TAOK3: variants seen among roughly 807,000 people sequenced by gnomAD.
TAOK3 encodes the protein TAO kinase 3.
In TAOK3, 40 loss-of-function variants were observed where a neutral mutation model predicts 120.4. The ratio of observed to expected loss-of-function variants is 0.33; its 90% CI spans 0.26 to 0.43. The LOEUF is 0.43. Ranked by LOEUF, TAOK3 falls within the 20% of genes least tolerant of loss-of-function variation. The probability of loss-of-function intolerance (pLI) is 1.00; values close to 1 mark genes in which losing one functional copy is unlikely to be tolerated. For synonymous variants in TAOK3, 355 were observed against 387.5 expected, an observed-to-expected ratio of 0.92 and a Z score of 0.99; for missense variants, 821 against 1,112.1, an observed-to-expected ratio of 0.74 and a Z score of 3.72.
chr12:118,326,469 G>A (rs558327631), intron 1 of TAOK3, among the ~76,000 whole-genome samples: 36 of 152,082 alleles, frequency 2.4e-4, no homozygotes, highest in African/African-American at 7.0e-4. Flanking sequence ...GATGACTTTC[G>A]CTATTCTGGC....
At chr12:118,205,405 T>C (rs558207247) in intron 11 of TAOK3, among the ~76,000 whole-genome samples, 87 of 151,572 alleles carry the variant, frequency 5.7e-4, no homozygotes, top group African/African-American at 2.1e-3. Flanking sequence ...TTTTTCAAAG[T>C]GAGAAAATTT....
At chr12:118,159,312 CTTTT>C (rs35332392) in intron 19 of TAOK3, among the ~76,000 whole-genome samples, 4 of 132,108 alleles carry the variant, frequency 3.0e-5, no homozygotes, top group Non-Finnish European at 3.3e-5. Flanking sequence ...AAATCACTCA[CTTTT>C]TTTTTTTTTT....
At chr12:118,265,191 C>T (rs2041390259) in intron 2 of TAOK3, among the ~76,000 whole-genome samples, 1 of 151,650 alleles carries the variant, frequency 6.6e-6, no homozygotes, top group Non-Finnish European at 1.5e-5. Flanking sequence ...GAGTTCAAGA[C>T]CAGCCTGGCC....
chr12:118,337,625 C>T (rs563617713), intron 1 of TAOK3, among the ~76,000 whole-genome samples: 58 of 152,232 alleles, frequency 3.8e-4, no homozygotes, highest in Non-Finnish European at 6.6e-4. Flanking sequence ...GTTAAATCGT[C>T]AGAGAATTAC....
chr12:118,199,299 AT>A (rs1413711651), intron 12 of TAOK3, 42 bp from the exon 13 acceptor site: 1 of 1,474,044 alleles, frequency 6.8e-7, no homozygotes, highest in East Asian at 2.3e-5. Context: ...AAGACTGAAG[AT>A]AAAGAGTCAA....
chr12:118,269,409 G>C (rs1221024218), intron 1 of TAOK3, among the ~76,000 whole-genome samples: 3 of 101,650 alleles, frequency 3.0e-5, no homozygotes, highest in African/African-American at 3.8e-5. Context: ...TTTTTTTTGA[G>C]ACTCAGGCTG....
At chr12:118,223,728 C>T (rs2039367631) in intron 9 of TAOK3, among the ~76,000 whole-genome samples, 2 of 151,422 alleles carry the variant, frequency 1.3e-5, no homozygotes, top group South Asian at 4.2e-4. Flanking sequence ...ACTGCAACCT[C>T]TGCCTCCTGG....
In TAOK3 at chr12:118,289,197, A is replaced by T. The variant is rs534410670; in HGVS notation, c.-193-22438T>A. ...GCGCCTATAATCCCAGATACTCAGGAGGCTGAGGCAGGAAAATCTTGAACC... is the reference window on the plus strand; with the variant it reads ...GCGCCTATAATCCCAGATACTCAGGTGGCTGAGGCAGGAAAATCTTGAACC... On this transcript the variant is annotated intron_variant, in intron 1 of 20. Transcript: ENST00000392533. Among the ~76,000 whole-genome samples, 11 of 147,204 alleles carry T rather than the reference A, an allele frequency of 7.5e-5. No individual in the cohort carries two copies. In the South Asian group the frequency reaches 2.4e-3, roughly 32 times the overall value.
chr12:118,362,950 C>T (rs147858611), intron 1 of TAOK3, among the ~76,000 whole-genome samples: 3,250 of 128,014 alleles, frequency 0.025, 112 homozygotes, highest in African/African-American at 0.088. Flanking sequence ...ACCTGGGAGG[C>T]GGAGGTGGCA....
intron 1 of TAOK3, among the ~76,000 whole-genome samples, chr12:118,357,794 T>C (rs914987033): frequency 1.3e-5 from 2 of 152,206 alleles, no homozygotes; most frequent in Non-Finnish European, 2.9e-5. Context: ...GAAATTAACA[T>C]AATTTGTACT....
At chr12:118,210,740 C>CTTTTTTTT (rs972130210) in intron 11 of TAOK3, among the ~76,000 whole-genome samples, 2 of 139,084 alleles carry the variant, frequency 1.4e-5, no homozygotes, top group African/African-American at 5.3e-5. Context: ...TTTCTTTTTT[C>CTTTTTTTT]TTTTTTTTTT....
intron 1 of TAOK3, among the ~76,000 whole-genome samples, chr12:118,310,077 C>A (rs926638272): frequency 9.2e-5 from 14 of 151,934 alleles, no homozygotes; most frequent in African/African-American, 3.4e-4. Flanking sequence ...GAGTTTGAGG[C>A]CACAAGATCA....
chr12:118,222,149 T>C (rs541092317), intron 9 of TAOK3, among the ~76,000 whole-genome samples: 1 of 152,182 alleles, frequency 6.6e-6, no homozygotes, highest in East Asian at 1.9e-4. Flanking sequence ...TAAACTAAAT[T>C]AGAGTGCCTA....
rs35109102 is a variant in TAOK3 at position 118,280,064 on chromosome 12, CTT to C, written c.-193-13307_-193-13306del. On this transcript the variant is annotated intron_variant, in intron 1 of 20. Transcript: ENST00000392533. ...ACAGGCGTGAGCCACCGCGCCCCAC[CTT>C]TTTTTTTTTTTTTTTAGATGGAGTC... is the stretch of plus-strand genomic sequence containing the variant. Among the ~76,000 whole-genome samples the C allele has an allele frequency of 1.1e-3, 150 of 133,874 alleles. 1 individual carries two copies. The highest frequency in any genetic ancestry group is 3.7e-3 in the South Asian group (15 of 4,040). The allele number at this position is 133,874 out of a possible 152,430, so 87.8% of individuals were successfully genotyped here.
At chr12:118,297,305 G>C (rs2042720666) in intron 1 of TAOK3, 1 of 152,202 alleles carries the variant, frequency 6.6e-6, no homozygotes, top group African/African-American at 2.4e-5. Context: ...ACAACTATTA[G>C]TCAAATGTTA....
At chr12:118,336,829 T>C (rs1249915250) in intron 1 of TAOK3, among the ~76,000 whole-genome samples, 6 of 152,188 alleles carry the variant, frequency 3.9e-5, no homozygotes, top group Non-Finnish European at 7.4e-5. Flanking sequence ...ACCAGCACTT[T>C]GGGAAGCCGA....
chr12:118,250,672 C>T lies in TAOK3; in HGVS notation c.120+4776G>A, dbSNP rs185252160. On this transcript the variant is annotated intron_variant, in intron 3 of 20. Transcript: ENST00000392533. ...AGGGATAAGATAGTGAGTTAATATGCCCAGTACCTATCTCTCCTCTAGGAG... is the reference window on the plus strand; with the variant it reads ...AGGGATAAGATAGTGAGTTAATATGTCCAGTACCTATCTCTCCTCTAGGAG... Among the ~76,000 whole-genome samples the T allele has an allele frequency of 9.3e-4, 141 of 152,242 alleles. 1 individual carries two copies. Among genetic ancestry groups the T allele is most frequent in the Non-Finnish European group, 2.9e-4 (20 of 68,024 alleles).
rs2045710289 is a variant in TAOK3, at chr12:118,365,231, CTTTTTT to C, written c.-194+7411_-194+7416del. On this transcript the variant is annotated intron_variant, in intron 1 of 20. Transcript: ENST00000392533. ...TCCAAAGAAATCAGTATCTCTCTCT[CTTTTTT>C]AATTTTTTTATTTTTAGACAGGGTC... Among the ~76,000 whole-genome samples, 3 of 152,068 alleles carry C rather than the reference CTTTTTT, an allele frequency of 2.0e-5. No homozygotes were observed. In the South Asian group the frequency reaches 6.2e-4, roughly 32 times the overall value.
chr12:118,317,319 T>TA (rs1555251519), intron 1 of TAOK3, among the ~76,000 whole-genome samples: 3 of 149,142 alleles, frequency 2.0e-5, no homozygotes, highest in Admixed American at 6.7e-5. Context: ...TTTTTTTTTT[T>TA]AGACAGTCTT....
Sources: gnomAD v4.1 joint callset for allele counts (sites outside exome capture counted in the v4.1 genomes callset) on GRCh38, gnomAD v4.1.1 for gene constraint, MANE v1.5 for transcripts, NCBI Gene and HGNC (gene_info 2026-07-23, HGNC 2026-07-21) for gene names.